The following PHEX variants were observed in gnomAD, a reference collection of about 807,000 sequenced individuals.
PHEX encodes phosphate-regulating neutral endopeptidase PHEX.
A neutral mutation model predicts 68.0 loss-of-function variants in PHEX; 16 were observed. The observed-to-expected ratio is 0.24, with a 90% confidence interval of 0.16 to 0.36. PHEX has a LOEUF of 0.36. PHEX is among the 10% of genes least tolerant of loss of function. PHEX has a pLI of 1.00. For missense variants in PHEX, 480 were observed against 575.5 expected, an observed-to-expected ratio of 0.83 and a Z score of 1.70; for synonymous variants, 208 against 205.1, an observed-to-expected ratio of 1.01 and a Z score of -0.12.
rs758053428 is a variant in PHEX, at chrX:22,047,169, G to A, written c.307G>A (p.Val103Ile). 1 of 1,209,619 alleles carries A rather than the reference G, an allele frequency of 8.3e-7. No individual in the cohort carries two copies. Among genetic ancestry groups the A allele is most frequent in the Admixed American group, 2.2e-5 (1 of 45,966 alleles). Residue 103 changes from valine (V) to isoleucine (I), a missense_variant, in exon 3 of 22, where the codon GTT becomes ATT. Physicochemically the swap from Val to Ile is conservative, Grantham distance 29. Coordinates refer to ENST00000379374, the MANE Select transcript of PHEX (RefSeq NM_000444.6). ...PIPEDMPSYG[V>I]YPWLRHNVDL... is the part of the protein sequence containing the mutation. ...TCCCGAAGATATGCCAAGCTATGGGGTTTATCCTTGGCTGAGACATAATGT... is the reference window on the plus strand; with the variant it reads ...TCCCGAAGATATGCCAAGCTATGGGATTTATCCTTGGCTGAGACATAATGT...
At chrX:22,211,400 A>G (rs1006246612) in intron 15 of PHEX, among the ~76,000 whole-genome samples, 8 of 112,125 alleles carry the variant, frequency 7.1e-5, no homozygotes, top group Non-Finnish European at 1.3e-4. Flanking sequence ...TTAAAGACGT[A>G]AGTCATTAGC....
chrX:22,241,066 A>G (rs1936174329), intron 20 of PHEX, among the ~76,000 whole-genome samples: 1 of 108,595 alleles, frequency 9.2e-6, no homozygotes. Context: ...TGAAAATCAT[A>G]ACAAACAGTC....
intron 20 of PHEX, among the ~76,000 whole-genome samples, chrX:22,232,596 CT>C (rs745474280): frequency 1.9e-3 from 35 of 18,549 alleles, no homozygotes; most frequent in African/African-American, 5.6e-3. Context: ...GCCACTTCTG[CT>C]TTTTTTTTTT....
chrX:22,169,206 T>C (rs997092132), intron 13 of PHEX, among the ~76,000 whole-genome samples: 5 of 112,019 alleles, frequency 4.5e-5, no homozygotes, highest in Admixed American at 1.9e-4. Context: ...AGCATCAAAA[T>C]TTTACAAGAC....
chrX:22,166,320 T>G (rs779396985), intron 12 of PHEX, among the ~76,000 whole-genome samples: 1 of 111,464 alleles, frequency 9.0e-6, no homozygotes, highest in South Asian at 3.8e-4. Context: ...AAATATAGGC[T>G]TGTTAACATG....
chrX:22,242,800 A>T (rs1442969587), intron 20 of PHEX, among the ~76,000 whole-genome samples: 3 of 112,315 alleles, frequency 2.7e-5, no homozygotes, highest in Admixed American at 1.9e-4. Context: ...AAATGGAAGA[A>T]CATTCCATGC....
In PHEX at chrX:22,228,481, C is replaced by T. The variant is rs143178342; in HGVS notation, c.2070+870C>T. Among the ~76,000 whole-genome samples, 11 of 111,870 alleles carry T rather than the reference C, an allele frequency of 9.8e-5. No homozygotes were observed. In the East Asian group the frequency reaches 1.7e-3, roughly 17 times the overall value. Reference sequence around the variant, plus strand: ...TGGTCACAGGATTCTTGCTTGCCTGCGGTCTTTTATTTCTTAAAGCTAATA... The same window carrying T: ...TGGTCACAGGATTCTTGCTTGCCTGTGGTCTTTTATTTCTTAAAGCTAATA... On this transcript the variant is annotated intron_variant, in intron 20 of 21. Coordinates refer to ENST00000379374, the MANE Select transcript of PHEX (RefSeq NM_000444.6).
At position 22,115,845 on chromosome X, in the gene PHEX, T is replaced by C. The variant is rs779036578; in HGVS notation, c.1302+1259T>C. ...ACATGCACACATCGCAGTTTCCTTA[T>C]GTATTTATCCATTGAAGGGTATTTA... On this transcript the variant is annotated intron_variant, in intron 11 of 21. Transcript: ENST00000379374. 1.8e-5 allele frequency among the ~76,000 whole-genome samples: 2 copies of C among 112,583 alleles called. 1 individual carries two copies. Among genetic ancestry groups the C allele is most frequent in the Non-Finnish European group, 3.7e-5 (2 of 53,376 alleles).
At chrX:22,068,265 C>G (rs1928705355) in intron 3 of PHEX, among the ~76,000 whole-genome samples, 1 of 111,995 alleles carries the variant, frequency 8.9e-6, no homozygotes, top group Non-Finnish European at 1.9e-5. Context: ...CACCAGGCCT[C>G]CTACCTCTGG....
At chrX:22,172,779 A>G (rs1270639218) in intron 13 of PHEX, 1 of 111,648 alleles carries the variant, frequency 9.0e-6, no homozygotes, top group Non-Finnish European at 1.9e-5. Flanking sequence ...CTGAAAAACT[A>G]CAGGTAAATA....
chrX:22,107,125 T>C (rs1156953604), intron 9 of PHEX, among the ~76,000 whole-genome samples: 1 of 111,888 alleles, frequency 8.9e-6, no homozygotes, highest in African/African-American at 3.2e-5. Flanking sequence ...ATATGTAAAA[T>C]GGGTATAATA....
intron 14 of PHEX, among the ~76,000 whole-genome samples, chrX:22,185,756 G>GTTTTTTTTTTTTTTTTTTTTTTTTTT (rs3085228): frequency 1.1e-5 from 1 of 87,796 alleles, no homozygotes; most frequent in African/African-American, 5.0e-5. Context: ...CTCGTTTGTG[G>GTTTTTTTTTTTTTTTTTTTTTTTTTT]TTTTTTTTTT....
rs144625011 is a variant in PHEX, at chrX:22,042,861, A to G, written c.188-4189A>G. 4.6e-3 allele frequency among the ~76,000 whole-genome samples: 513 copies of G among 112,409 alleles called. 10 individuals carry two copies. Among genetic ancestry groups the G allele is most frequent in the Admixed American group, 0.042 (445 of 10,593 alleles). ...GAAAATAATAATGGTAGTAGCAGTA[A>G]TTTAGGTTCACAATGCTGATTCTTA... On this transcript the variant is annotated intron_variant, in intron 2 of 21. Coordinates refer to ENST00000379374, the MANE Select transcript of PHEX (RefSeq NM_000444.6).
At chrX:22,050,097 G>C (rs1349635410) in intron 3 of PHEX, among the ~76,000 whole-genome samples, 3 of 112,280 alleles carry the variant, frequency 2.7e-5, no homozygotes, top group African/African-American at 9.7e-5. Flanking sequence ...AGTTGCAATG[G>C]AAACTGGATG....
intron 5 of PHEX, among the ~76,000 whole-genome samples, chrX:22,080,441 A>C (rs1929340153): frequency 9.0e-6 from 1 of 111,119 alleles, no homozygotes; most frequent in Admixed American, 9.6e-5. Flanking sequence ...GATATAATAT[A>C]ATTATAGTCT....
At chrX:22,080,488 C>T (rs1406513290) in intron 5 of PHEX, among the ~76,000 whole-genome samples, 4 of 111,486 alleles carry the variant, frequency 3.6e-5, no homozygotes, top group African/African-American at 1.3e-4. Context: ...GAGCATGTAT[C>T]TGGAGGTGGT....
intron 3 of PHEX, among the ~76,000 whole-genome samples, chrX:22,048,566 C>G (rs1204188529): frequency 9.0e-6 from 1 of 111,590 alleles, no homozygotes; most frequent in African/African-American, 3.3e-5. Flanking sequence ...GGCATATGCT[C>G]CTTTTGCATT....
Position 22,047,157 on chromosome X carries a change from C to T in PHEX, c.295C>T (p.Pro99Ser), listed in dbSNP as rs1292664422. The change falls in exon 3 of 22, where the codon CCA (proline) becomes TCA (serine). Residue 99 changes from proline (P) to serine (S), a missense_variant. By Grantham distance (74) the Pro-to-Ser change is moderately conservative. Transcript: ENST00000379374. Reference sequence around the variant, plus strand: ...CAATAATCCAATTCCCGAAGATATGCCAAGCTATGGGGTTTATCCTTGGCT... The same window carrying T: ...CAATAATCCAATTCCCGAAGATATGTCAAGCTATGGGGTTTATCCTTGGCT... Reference protein sequence around the residue: ...ISNNPIPEDMPSYGVYPWLRH... With the variant: ...ISNNPIPEDMSSYGVYPWLRH... The T allele has an allele frequency of 8.3e-7, 1 of 1,208,853 alleles. No homozygotes were observed. Among genetic ancestry groups the T allele is most frequent in the East Asian group, 3.0e-5 (1 of 33,830 alleles).
intron 18 of PHEX, among the ~76,000 whole-genome samples, chrX:22,224,268 C>T (rs768010249): frequency 7.4e-4 from 83 of 111,970 alleles, no homozygotes; most frequent in African/African-American, 2.7e-3. Flanking sequence ...CAGGTGTGAG[C>T]CACCGCACCC....
Sources: allele counts gnomAD v4.1 joint callset (sites outside exome capture counted in the v4.1 genomes callset), GRCh38; gene constraint gnomAD v4.1.1; transcripts MANE v1.5; gene names NCBI Gene and HGNC (gene_info 2026-07-23, HGNC 2026-07-21).